The following GALNT1 variants were observed in gnomAD, a reference collection of about 807,000 sequenced individuals.
GALNT1 encodes GalNAc transferase 1.
In GALNT1, 17 loss-of-function variants were observed where a neutral mutation model predicts 65.7. The ratio of observed to expected loss-of-function variants is 0.26; its 90% CI spans 0.18 to 0.39. The LOEUF is 0.39. Among genes scored for constraint, GALNT1 ranks in the 10% least tolerant of loss-of-function variants. The pLI, the probability that GALNT1 is intolerant of heterozygous loss-of-function variation, is 1.00. For missense variants in GALNT1, 460 were observed against 672.8 expected (o/e 0.68, Z 3.50); for synonymous variants, 210 against 219.7 (o/e 0.96, Z 0.39).
intron 1 of GALNT1, among the ~76,000 whole-genome samples, chr18:35,634,484 G>C (rs770719463): frequency 6.6e-6 from 1 of 152,170 alleles, no homozygotes; most frequent in Non-Finnish European, 1.5e-5. Flanking sequence ...CAGGAAAAAG[G>C]TGCACGGGGT....
chr18:35,617,178 A>G (rs1024559647), intron 1 of GALNT1, among the ~76,000 whole-genome samples: 1 of 152,056 alleles, frequency 6.6e-6, no homozygotes, highest in Non-Finnish European at 1.5e-5. Context: ...CATTTATTAC[A>G]GGTATTTATA....
chr18:35,689,089 A>G, intron 6 of GALNT1, 84 bp from the exon 7 acceptor site: 2 of 853,862 alleles, frequency 2.3e-6, no homozygotes, highest in Non-Finnish European at 4.0e-6. Context: ...GTAGTTATAA[A>G]TAGTTATGAA....
At chr18:35,667,594 G>T (rs566400559) in intron 3 of GALNT1, among the ~76,000 whole-genome samples, 17 of 152,068 alleles carry the variant, frequency 1.1e-4, no homozygotes, top group Admixed American at 5.2e-4. Context: ...TATAGCGTAG[G>T]TGTCAGGATC....
Position 35,711,476 on chromosome 18 carries a change from A to G in GALNT1, c.*1706A>G, listed in dbSNP as rs1166100901. On this transcript the variant is annotated 3_prime_UTR_variant, in exon 12 of 12. Coordinates refer to ENST00000269195, the MANE Select transcript of GALNT1 (RefSeq NM_020474.4). ...AGGGTGAGTCTATAGTACAAAATGC[A>G]TAAACCATGTCCCCAGGAAATTTGA... The G allele has an allele frequency of 6.6e-6, 1 of 152,594 alleles. No homozygotes were observed. Among genetic ancestry groups the G allele is most frequent in the Non-Finnish European group, 1.5e-5 (1 of 68,046 alleles). The allele number at this position is 152,594 out of a possible 1,614,324, so 9.5% of individuals were successfully genotyped here. A position where few individuals can be genotyped will look rare whatever the true frequency, so the allele number is the denominator to read the frequency against.
intron 3 of GALNT1, among the ~76,000 whole-genome samples, chr18:35,669,231 A>ACT (rs72536402): frequency 0.99 from 151,453 of 152,270 alleles, 75,327 homozygotes; most frequent in East Asian, 1. Context: ...ACAGAGAGAG[A>ACT]CCATCTCGAA....
rs73418881 is a variant in GALNT1, at chr18:35,672,248, T to C, written c.315-5343T>C. Among the ~76,000 whole-genome samples, 1,173 of 152,364 alleles carry C rather than the reference T, an allele frequency of 7.7e-3. 16 individuals carry two copies. The highest frequency in any genetic ancestry group is 0.026 in the African/African-American group (1,083 of 41,588). On this transcript the variant is annotated intron_variant, in intron 3 of 11. Coordinates refer to ENST00000269195, the MANE Select transcript of GALNT1 (RefSeq NM_020474.4). ...GTTCAAGGAGTGAGCTCCAGGTCCC[T>C]GTTTGATTCTCAGGAGAAGCTGACT...
intron 1 of GALNT1, among the ~76,000 whole-genome samples, chr18:35,588,237 C>T (rs1328878270): frequency 4.6e-5 from 7 of 152,148 alleles, no homozygotes; most frequent in African/African-American, 1.7e-4. Flanking sequence ...ATAGTTCTTT[C>T]AGCCCTTGAA....
At chr18:35,702,612 A>G (rs1417884559) in intron 9 of GALNT1, among the ~76,000 whole-genome samples, 1 of 152,236 alleles carries the variant, frequency 6.6e-6, no homozygotes, top group Non-Finnish European at 1.5e-5. Context: ...CATTAACCAA[A>G]GTAGAGTTTG....
intron 5 of GALNT1, among the ~76,000 whole-genome samples, 185 bp downstream of exon 5, chr18:35,683,783 A>G (rs1209100772): frequency 6.6e-6 from 1 of 152,184 alleles, no homozygotes; most frequent in Non-Finnish European, 1.5e-5. Context: ...CCTGGCAGGA[A>G]TGTTTGCAAA....
intron 7 of GALNT1, among the ~76,000 whole-genome samples, chr18:35,690,344 A>G (rs1309194811): frequency 6.6e-6 from 1 of 152,074 alleles, no homozygotes; most frequent in Non-Finnish European, 1.5e-5. Flanking sequence ...AGGTTTGGAG[A>G]GGGGTGAACA....
At chr18:35,623,840 A>G (rs2046885112) in intron 1 of GALNT1, among the ~76,000 whole-genome samples, 1 of 152,190 alleles carries the variant, frequency 6.6e-6, no homozygotes, top group African/African-American at 2.4e-5. Context: ...TATAGTAGGT[A>G]CGTTATAGTC....
chr18:35,639,141 A>G (rs1470061896), intron 1 of GALNT1, among the ~76,000 whole-genome samples: 1 of 152,112 alleles, frequency 6.6e-6, no homozygotes, highest in Non-Finnish European at 1.5e-5. Context: ...AAAAAGTTCT[A>G]CTCTGGGTAA....
intron 4 of GALNT1, among the ~76,000 whole-genome samples, chr18:35,679,659 A>T (rs1316637338): frequency 6.6e-6 from 1 of 152,156 alleles, no homozygotes; most frequent in Non-Finnish European, 1.5e-5. Context: ...CCTGCCTTGG[A>T]AGCCTCAAAT....
intron 3 of GALNT1, among the ~76,000 whole-genome samples, chr18:35,672,319 C>T (rs2047648701): frequency 2.0e-5 from 3 of 152,154 alleles, no homozygotes; most frequent in Non-Finnish European, 4.4e-5. Flanking sequence ...TATTTTTCTA[C>T]TCATTTCCTG....
At chr18:35,668,967 C>T (rs761329997) in intron 3 of GALNT1, among the ~76,000 whole-genome samples, 13 of 152,194 alleles carry the variant, frequency 8.5e-5, no homozygotes, top group African/African-American at 2.4e-4. Flanking sequence ...CACAGCCGGG[C>T]GCACTGACTC....
chr18:35,669,874 G>T (rs570423170), intron 3 of GALNT1, among the ~76,000 whole-genome samples: 1 of 152,168 alleles, frequency 6.6e-6, no homozygotes, highest in Non-Finnish European at 1.5e-5. Context: ...ATGAGGACTG[G>T]AAGAGAGGAA....
intron 1 of GALNT1, among the ~76,000 whole-genome samples, chr18:35,594,683 T>C (rs549514984): frequency 6.6e-6 from 1 of 152,320 alleles, no homozygotes; most frequent in Admixed American, 6.5e-5. Flanking sequence ...GACTTCTGTG[T>C]TGGAAGCTGA....
chr18:35,583,712 A>G (rs1013553918), intron 1 of GALNT1, among the ~76,000 whole-genome samples: 2 of 152,164 alleles, frequency 1.3e-5, no homozygotes, highest in African/African-American at 2.4e-5. Flanking sequence ...TGAAAACCCA[A>G]CAACAACAAA....
chr18:35,626,601 AG>A (rs2046920392), intron 1 of GALNT1, among the ~76,000 whole-genome samples: 1 of 152,200 alleles, frequency 6.6e-6, no homozygotes, highest in South Asian at 2.1e-4. Flanking sequence ...CAGAATACCC[AG>A]TTAAATCAGT....
Sources: allele counts gnomAD v4.1 joint callset (sites outside exome capture counted in the v4.1 genomes callset), GRCh38; gene constraint gnomAD v4.1.1; transcripts MANE v1.5; gene names NCBI Gene and HGNC (gene_info 2026-07-23, HGNC 2026-07-21).